The following GATA4 variants were observed in gnomAD, a reference collection of about 807,000 sequenced individuals.
The protein encoded by GATA4 is transcription factor GATA-4.
A neutral mutation model predicts 37.9 loss-of-function variants in GATA4; 7 were observed. The observed-to-expected ratio is 0.18, with a 90% CI of 0.11 to 0.35. GATA4 has a LOEUF of 0.35. Ranked by LOEUF, GATA4 falls within the 10% of genes least tolerant of loss-of-function variation. The pLI is 1.00. For synonymous variants in GATA4, 372 were observed against 292.6 expected (o/e 1.27, Z -2.77); for missense variants, 647 against 653.0 (o/e 0.99, Z 0.10).
In GATA4 at chr8:11,758,353, C is replaced by A. The variant is rs777778466; in HGVS notation, c.1210C>A (p.Leu404Met). 5.6e-6 allele frequency: 9 copies of A among 1,614,228 alleles called. No homozygotes were observed. The Admixed American group carries it at 1.0e-4, about 18-fold the overall frequency. Residue 404 changes from leucine to methionine, a missense_variant, in exon 7 of 7, where the codon CTG (leucine) becomes ATG (methionine). Physicochemically the swap from Leu to Met is conservative, Grantham distance 15. Coordinates refer to ENST00000532059, the MANE Select transcript of GATA4 (RefSeq NM_001308093.3). ...GPSIHPVLSA[L>M]KLSPQGYASP... ...CTCCATCCACCCTGTCCTCTCGGCCCTGAAGCTCTCCCCACAAGGCTATGC... is the reference window on the plus strand; with the variant it reads ...CTCCATCCACCCTGTCCTCTCGGCCATGAAGCTCTCCCCACAAGGCTATGC...
chr8:11,694,048 C>G (rs1331673715), intron 1 of GATA4, among the ~76,000 whole-genome samples: 1 of 152,192 alleles, frequency 6.6e-6, no homozygotes, highest in African/African-American at 2.4e-5. Context: ...CCCACCTGCC[C>G]TTTTCCCCAA....
intron 2 of GATA4, among the ~76,000 whole-genome samples, chr8:11,719,419 G>A (rs1025128654): frequency 6.6e-6 from 1 of 151,986 alleles, no homozygotes; most frequent in South Asian, 2.1e-4. Context: ...CACAGATGTA[G>A]GAAAATACTG....
At chr8:11,748,151 G>T (rs1165346571) in intron 2 of GATA4, among the ~76,000 whole-genome samples, 3 of 152,230 alleles carry the variant, frequency 2.0e-5, no homozygotes, top group African/African-American at 7.2e-5. Context: ...GTGGGAGGCA[G>T]AGGTTGCAGT....
chr8:11,697,676 G>A, intron 1 of GATA4: 1 of 985,456 alleles, frequency 1.0e-6, no homozygotes, highest in Non-Finnish European at 1.2e-6. Flanking sequence ...TCGCGCCTGC[G>A]GACCAGAGGC....
chr8:11,722,779 T>G (rs1244605588), intron 2 of GATA4, among the ~76,000 whole-genome samples: 1 of 152,236 alleles, frequency 6.6e-6, no homozygotes, highest in African/African-American at 2.4e-5. Flanking sequence ...GGATGCTCAT[T>G]GCCTAGACCC....
At chr8:11,756,887 G>C (rs768931198) in intron 5 of GATA4, 48 bp from the exon 6 acceptor site, 2 of 1,613,976 alleles carry the variant, frequency 1.2e-6, no homozygotes, top group Non-Finnish European at 1.7e-6. Context: ...CCGGCTGTTC[G>C]TTTGTCCCTG....
At chr8:11,747,483 T>C (rs73666005) in intron 2 of GATA4, among the ~76,000 whole-genome samples, 1 of 152,368 alleles carries the variant, frequency 6.6e-6, no homozygotes, top group African/African-American at 2.4e-5. Flanking sequence ...CCATTGCTTA[T>C]AATATGCACC....
At chr8:11,696,986 C>T (rs1351441413) in intron 1 of GATA4, among the ~76,000 whole-genome samples, 1 of 152,170 alleles carries the variant, frequency 6.6e-6, no homozygotes, top group African/African-American at 2.4e-5. Context: ...CTGGCGGAGG[C>T]CCCCCGGGGA....
chr8:11,758,099 T>G (rs1802695145), intron 6 of GATA4, among the ~76,000 whole-genome samples, 194 bp from the exon 7 acceptor site: 1 of 152,162 alleles, frequency 6.6e-6, no homozygotes. Flanking sequence ...CAGAAGCAGC[T>G]GATGCATCAC....
chr8:11,731,880 C>T (rs570232113), intron 2 of GATA4, among the ~76,000 whole-genome samples: 19 of 152,272 alleles, frequency 1.2e-4, no homozygotes, highest in African/African-American at 2.2e-4. Context: ...CATTGATGGA[C>T]GATTAGGTAG....
intron 2 of GATA4, among the ~76,000 whole-genome samples, chr8:11,717,471 A>G (rs998647010): frequency 2.6e-5 from 4 of 152,106 alleles, no homozygotes; most frequent in African/African-American, 9.7e-5. Context: ...GAAAGCTGAT[A>G]CCCAGAAAGA....
At chr8:11,722,318 T>G (rs577697993) in intron 2 of GATA4, among the ~76,000 whole-genome samples, 2 of 152,226 alleles carry the variant, frequency 1.3e-5, no homozygotes, top group Non-Finnish European at 2.9e-5. Flanking sequence ...GCATGTCATT[T>G]TACCCACAAA....
chr8:11,748,075 G>T (rs184771613), intron 2 of GATA4, among the ~76,000 whole-genome samples: 4 of 152,236 alleles, frequency 2.6e-5, no homozygotes, highest in Admixed American at 2.6e-4. Context: ...AAAATTAGCC[G>T]TGTGTGGTGG....
chr8:11,682,758 A>G (rs1370780296), intron 1 of GATA4, among the ~76,000 whole-genome samples: 1 of 152,298 alleles, frequency 6.6e-6, no homozygotes, highest in South Asian at 2.1e-4. Context: ...TTACTATCCT[A>G]CTGGTCAGAC....
upstream of GATA4, among the ~76,000 whole-genome samples, chr8:11,691,068 C>T (rs898613531): frequency 6.6e-6 from 1 of 152,196 alleles, no homozygotes; most frequent in African/African-American, 2.4e-5. Context: ...AATAGAGTGA[C>T]TGTGTGGATA....
chr8:11,708,459 G>A lies in GATA4; in HGVS notation c.147G>A (p.Leu49=). ...CACCGCGGGTGCCCTCCTCCGTGCT[G>A]GGCCTGTCCTACCTCCAGGGCGGAG... ...VPTPRVPSSV[L]GLSYLQGGGA... Residue 49 remains leucine, a synonymous_variant, in exon 2 of 7, where the codon CTG becomes CTA. Transcript: ENST00000532059. This position sits in a 1 kb window ranked among gnomAD's most constrained non-coding sequence, Gnocchi z 6.7. 2 of 1,531,360 alleles carry A rather than the reference G, an allele frequency of 1.3e-6. No homozygotes were observed. Among genetic ancestry groups the A allele is most frequent in the South Asian group, 2.4e-5 (2 of 83,854 alleles). The allele number at this position is 1,531,360 out of a possible 1,614,324, so 94.9% of individuals were successfully genotyped here. A position where few individuals can be genotyped will look rare whatever the true frequency, so the allele number is the denominator to read the frequency against.
intron 2 of GATA4, among the ~76,000 whole-genome samples, chr8:11,728,323 C>G (rs890553240): frequency 3.9e-5 from 6 of 152,166 alleles, no homozygotes; most frequent in African/African-American, 1.4e-4. Flanking sequence ...TTAATAAATG[C>G]TATTATCATT....
chr8:11,677,753 G>A (rs1181647599), intron 1 of GATA4, among the ~76,000 whole-genome samples: 5 of 152,102 alleles, frequency 3.3e-5, no homozygotes. Context: ...GCCAGGCTTG[G>A]TATAGGGTTT....
intron 2 of GATA4, among the ~76,000 whole-genome samples, chr8:11,713,287 T>A (rs1439276479): frequency 1.3e-5 from 2 of 152,202 alleles, no homozygotes; most frequent in Non-Finnish European, 2.9e-5. Context: ...AATGTTAAAA[T>A]CATTAATTAG....
Sources: allele counts gnomAD v4.1 joint callset (sites outside exome capture counted in the v4.1 genomes callset), GRCh38; gene constraint gnomAD v4.1.1; non-coding constraint Gnocchi (gnomAD v3.1); transcripts MANE v1.5; gene names NCBI Gene and HGNC (gene_info 2026-07-23, HGNC 2026-07-21).